PCDH11X: variants seen among roughly 807,000 people sequenced by gnomAD.
PCDH11X encodes protocadherin-11 X-linked.
Under a neutral mutation model 53.3 loss-of-function variants are expected in PCDH11X, and 18 were observed. The ratio of observed to expected loss-of-function variants is 0.34; its 90% CI spans 0.23 to 0.50. The LOEUF (loss-of-function observed/expected upper bound fraction) is 0.50, where lower values mean the gene tolerates loss of function less well. PCDH11X is among the 20% of genes least tolerant of loss of function. The pLI is 0.98. For synonymous variants in PCDH11X, 279 were observed against 393.3 expected (o/e 0.71, Z 3.44); for missense variants, 570 against 1,032.4 (o/e 0.55, Z 6.14).
At chrX:91,896,249 C>T (rs899141999) in intron 6 of PCDH11X, among the ~76,000 whole-genome samples, 2 of 110,236 alleles carry the variant, frequency 1.8e-5, no homozygotes, top group East Asian at 2.9e-4. Context: ...TTCAGCCTCC[C>T]GAGTAGCTGG....
chrX:92,612,342 T>A lies in PCDH11X; in HGVS notation c.3368-5922T>A, dbSNP rs1302731850. ...ATTCAATCTTGGGCGATTGTGTGCT[T>A]CCAGCAATTTCTCAATTTCCTCTAA... On this transcript the variant is annotated intron_variant, in intron 10 of 10. Transcript: ENST00000682573. Among the ~76,000 whole-genome samples, 3 of 108,755 alleles carry A rather than the reference T, an allele frequency of 2.8e-5. No homozygotes were observed. The South Asian group carries it at 1.2e-3, about 43-fold the overall frequency. 94.4% of individuals were successfully genotyped at this position (108,755 alleles called of 115,157 possible).
At chrX:92,071,136 G>A (rs1178152521) in intron 6 of PCDH11X, among the ~76,000 whole-genome samples, 3 of 108,478 alleles carry the variant, frequency 2.8e-5, no homozygotes, top group Non-Finnish European at 5.7e-5. Context: ...GCCCTTTTTA[G>A]GCTATTTCCT....
At chrX:91,796,933 C>T (rs997872422) in intron 1 of PCDH11X, among the ~76,000 whole-genome samples, 16 of 111,321 alleles carry the variant, frequency 1.4e-4, no homozygotes, top group Admixed American at 1.4e-3. Context: ...AGATTTTTAA[C>T]CAGAATGCGA....
intron 10 of PCDH11X, among the ~76,000 whole-genome samples, chrX:92,505,470 G>A (rs1319589138): frequency 1.8e-5 from 2 of 110,282 alleles, no homozygotes; most frequent in East Asian, 5.7e-4. Context: ...TTTCCTCATT[G>A]CTTGTTTTTG....
At chrX:92,035,487 C>T (rs1602725827) in intron 6 of PCDH11X, among the ~76,000 whole-genome samples, 1 of 99,597 alleles carries the variant, frequency 1.0e-5, no homozygotes, top group Middle Eastern at 5.1e-3. Context: ...TGTAAGGTTT[C>T]GACTGAAAAG....
chrX:92,355,417 CAAAAAAAAAAAA>C (rs57339128), intron 8 of PCDH11X, among the ~76,000 whole-genome samples: 3 of 23,589 alleles, frequency 1.3e-4, no homozygotes, highest in African/African-American at 2.8e-4. Context: ...GACTCCGTCT[CAAAAAAAAAAAA>C]AAAAAAAAAA....
chrX:91,994,936 A>AT (rs1030893961), intron 6 of PCDH11X, among the ~76,000 whole-genome samples: 1 of 111,317 alleles, frequency 9.0e-6, no homozygotes, highest in African/African-American at 3.3e-5. Context: ...GTTAGCCATC[A>AT]TTTTTTTGTC....
chrX:92,202,802 A>T (rs914523922), intron 7 of PCDH11X, among the ~76,000 whole-genome samples: 3 of 107,537 alleles, frequency 2.8e-5, no homozygotes, highest in Non-Finnish European at 5.8e-5. Context: ...AGTGTGGATC[A>T]CGAGGTCAAG....
chrX:92,237,814 T>C (rs2067198334), intron 7 of PCDH11X, among the ~76,000 whole-genome samples: 1 of 111,619 alleles, frequency 9.0e-6, no homozygotes, highest in African/African-American at 3.2e-5. Context: ...AGTCCATCAT[T>C]TATAAAACCA....
In PCDH11X at chrX:91,937,724, A is replaced by G. The variant is rs180962696; in HGVS notation, c.3033+58451A>G. Among the ~76,000 whole-genome samples the G allele has an allele frequency of 5.8e-3, 643 of 111,230 alleles. 4 individuals carry two copies. Among genetic ancestry groups the G allele is most frequent in the African/African-American group, 0.02 (602 of 30,773 alleles). On this transcript the variant is annotated intron_variant, in intron 6 of 10. Coordinates refer to ENST00000682573, the MANE Select transcript of PCDH11X (RefSeq NM_032968.5). ...GTTTCTCTCTGTCTTTAGCGACTGT[A>G]TAAGATCTTCCTTTATTCATTGTAT...
chrX:92,286,671 T>G (rs1239880733), intron 8 of PCDH11X, among the ~76,000 whole-genome samples: 63 of 86,024 alleles, frequency 7.3e-4, no homozygotes, highest in Non-Finnish European at 1.3e-3. Flanking sequence ...AGTTCCAATT[T>G]TGGAGATTAT....
chrX:92,070,136 A>C (rs1179281685), intron 6 of PCDH11X, among the ~76,000 whole-genome samples: 1 of 111,760 alleles, frequency 8.9e-6, no homozygotes, highest in Admixed American at 9.5e-5. Context: ...TCTTGCAAAA[A>C]TGTTGGAGTT....
chrX:91,995,073 T>G (rs1569297863), intron 6 of PCDH11X, among the ~76,000 whole-genome samples: 1 of 111,154 alleles, frequency 9.0e-6, no homozygotes, highest in Admixed American at 9.6e-5. Context: ...CCTTATCAGA[T>G]ATGTGATTTG....
Position 91,917,101 on chromosome X carries a change from A to C in PCDH11X, c.3033+37828A>C, listed in dbSNP as rs1941589397. 2.7e-5 allele frequency among the ~76,000 whole-genome samples: 3 copies of C among 111,661 alleles called. No homozygotes were observed. In the Middle Eastern group the frequency reaches 0.014, roughly 517 times the overall value. On this transcript the variant is annotated intron_variant, in intron 6 of 10. Transcript: ENST00000682573. ...AATAGATGCAGAAAAATATTTGACA[A>C]AATCCAGCATCCGCTTATGATTAAA...
At chrX:91,994,752 C>T (rs1005480914) in intron 6 of PCDH11X, among the ~76,000 whole-genome samples, 3 of 111,589 alleles carry the variant, frequency 2.7e-5, no homozygotes, top group East Asian at 5.7e-4. Context: ...TACGAATTTA[C>T]ATCCCCACCC....
intron 6 of PCDH11X, among the ~76,000 whole-genome samples, chrX:91,938,576 G>A (rs1408124668): frequency 2.7e-5 from 3 of 109,816 alleles, no homozygotes; most frequent in South Asian, 3.9e-4. Context: ...ATCAGCACAG[G>A]GTCTCCCTTG....
Position 92,391,623 on chromosome X carries a change from T to C in PCDH11X, c.3343+3690T>C, listed in dbSNP as rs750361837. 2.5e-4 allele frequency among the ~76,000 whole-genome samples: 28 copies of C among 111,765 alleles called. No individual in the cohort carries two copies. The South Asian group carries it at 5.2e-3, about 21-fold the overall frequency. ...ATGATTCAGACTGAGTTCTGAGACA[T>C]ATAGAAATATTAGCAAATGTCTACA... On this transcript the variant is annotated intron_variant, in intron 9 of 10. Coordinates refer to ENST00000682573, the MANE Select transcript of PCDH11X (RefSeq NM_032968.5).
intron 6 of PCDH11X, among the ~76,000 whole-genome samples, chrX:91,988,940 A>T (rs2525287): frequency 9.0e-6 from 1 of 111,601 alleles, no homozygotes; most frequent in Non-Finnish European, 1.9e-5. Flanking sequence ...TTTCACAGGG[A>T]ACCAACTGGC....
intron 6 of PCDH11X, among the ~76,000 whole-genome samples, chrX:92,050,447 A>G (rs1346373033): frequency 9.1e-6 from 1 of 110,305 alleles, no homozygotes; most frequent in African/African-American, 3.3e-5. Flanking sequence ...AGTATTCACT[A>G]AAGTTTGCAG....
Sources: allele counts gnomAD v4.1 joint callset (sites outside exome capture counted in the v4.1 genomes callset), GRCh38; gene constraint gnomAD v4.1.1; transcripts MANE v1.5; gene names NCBI Gene and HGNC (gene_info 2026-07-23, HGNC 2026-07-21).